CAST: variants seen among roughly 807,000 people sequenced by gnomAD.
CAST encodes the protein calpastatin.
A neutral mutation model predicts 119.6 loss-of-function variants in CAST; 76 were observed. The observed-to-expected ratio is 0.64, with a 90% confidence interval of 0.53 to 0.77. The LOEUF (loss-of-function observed/expected upper bound fraction) is 0.77, where lower values mean the gene tolerates loss of function less well. Ranked by LOEUF, CAST falls within the 30% of genes least tolerant of loss-of-function variation. The probability of loss-of-function intolerance (pLI) is 0.00; values close to 1 mark genes in which losing one functional copy is unlikely to be tolerated. For synonymous variants in CAST, 319 were observed against 331.6 expected (o/e 0.96, Z 0.41); for missense variants, 953 against 946.5 (o/e 1.01, Z -0.09).
At chr5:96,743,554 T>C in intron 16 of CAST, 1 of 1,563,608 alleles carries the variant, frequency 6.4e-7, no homozygotes, top group Middle Eastern at 2.1e-4. Flanking sequence ...CTTCCTGTTC[T>C]GAGTCATCAG....
At chr5:96,605,985 G>A (rs1414700585) in intron 1 of CAST, among the ~76,000 whole-genome samples, 1 of 152,134 alleles carries the variant, frequency 6.6e-6, no homozygotes, top group East Asian at 1.9e-4. Context: ...GCTACTGGCG[G>A]TAAGATTTAA....
intron 3 of CAST, among the ~76,000 whole-genome samples, chr5:96,705,095 G>A (rs1445519186): frequency 6.6e-6 from 1 of 152,098 alleles, no homozygotes; most frequent in Non-Finnish European, 1.5e-5. Flanking sequence ...CAAGGAGGGA[G>A]GATCGCTTGA....
the CAST span, chr5:95,961,491 C>A: frequency 1.5e-6 from 2 of 1,351,392 alleles, no homozygotes; most frequent in South Asian, 3.8e-5. Context: ...GCCACGGCTC[C>A]GCCGGCCCCG....
the CAST span, among the ~76,000 whole-genome samples, chr5:96,003,690 G>C: frequency 2.6e-5 from 4 of 152,112 alleles, no homozygotes; most frequent in African/African-American, 7.2e-5. Flanking sequence ...TAGATGTGTT[G>C]ATGGTGTTTG....
At chr5:96,148,806 G>A in the CAST span, among the ~76,000 whole-genome samples, 1 of 152,224 alleles carries the variant, frequency 6.6e-6, no homozygotes, top group Non-Finnish European at 1.5e-5. Context: ...ACGGAAGACT[G>A]TATAACAGTG....
At chr5:96,705,235 G>A (rs911471903) in intron 3 of CAST, among the ~76,000 whole-genome samples, 1 of 152,036 alleles carries the variant, frequency 6.6e-6, no homozygotes, top group African/African-American at 2.4e-5. Flanking sequence ...GGAAGGATCA[G>A]TTGAGCCTGG....
At chr5:96,560,401 C>T (rs1163124605) in intron 1 of CAST, among the ~76,000 whole-genome samples, 1 of 150,878 alleles carries the variant, frequency 6.6e-6, no homozygotes, top group Admixed American at 6.6e-5. Context: ...AAAGAAACTA[C>T]CATCAGAGTG....
the CAST span, among the ~76,000 whole-genome samples, chr5:96,310,560 G>A: frequency 9.1e-6 from 1 of 109,334 alleles, no homozygotes; most frequent in African/African-American, 2.8e-5. Flanking sequence ...TCAGGTCTTA[G>A]GCTTTTTTTT....
At chr5:96,012,317 G>GTT in the CAST span, among the ~76,000 whole-genome samples, 2 of 146,792 alleles carry the variant, frequency 1.4e-5, no homozygotes, top group African/African-American at 5.0e-5. Context: ...TACTTCTTAA[G>GTT]TTTTTTTTTT....
the CAST span, among the ~76,000 whole-genome samples, chr5:96,289,004 A>G: frequency 7.9e-5 from 12 of 151,752 alleles, 1 homozygote; most frequent in Admixed American, 3.9e-4. Context: ...GGATTGCAAA[A>G]CCCACTGTAT....
chr5:96,046,289 G>C, the CAST span, among the ~76,000 whole-genome samples: 356 of 152,208 alleles, frequency 2.3e-3, 2 homozygotes, highest in African/African-American at 8.2e-3. Context: ...AAGAATGGGT[G>C]ACAGGATCTT....
At chr5:96,423,813 T>G in the CAST span, among the ~76,000 whole-genome samples, 1 of 152,212 alleles carries the variant, frequency 6.6e-6, no homozygotes, top group African/African-American at 2.4e-5. Context: ...TAGTCGATGT[T>G]TTCATCTCCC....
the CAST span, among the ~76,000 whole-genome samples, chr5:96,115,699 G>A: frequency 1.3e-5 from 2 of 152,166 alleles, no homozygotes; most frequent in African/African-American, 4.8e-5. Flanking sequence ...GTGTTCTGAA[G>A]GTGACTAAGG....
chr5:96,592,170 G>C (rs1746973136), intron 1 of CAST, among the ~76,000 whole-genome samples: 1 of 152,176 alleles, frequency 6.6e-6, no homozygotes, highest in South Asian at 2.1e-4. Context: ...GCTGAGGCGG[G>C]CGGATCATTT....
the CAST span, among the ~76,000 whole-genome samples, chr5:96,338,289 T>C: frequency 6.6e-6 from 1 of 152,246 alleles, no homozygotes; most frequent in Non-Finnish European, 1.5e-5. Flanking sequence ...TCAAAAACTC[T>C]GCATCGTTTT....
chr5:96,605,974 T>C (rs1747244637), intron 1 of CAST, among the ~76,000 whole-genome samples: 1 of 152,202 alleles, frequency 6.6e-6, no homozygotes, highest in Non-Finnish European at 1.5e-5. Flanking sequence ...CAGACAAAGC[T>C]GCTACTGGCG....
intron 16 of CAST, among the ~76,000 whole-genome samples, chr5:96,743,344 A>G (rs1006297356): frequency 1.3e-5 from 2 of 152,218 alleles, no homozygotes; most frequent in African/African-American, 4.8e-5. Flanking sequence ...ATATTAAATT[A>G]TAATTTTTGT....
Position 96,697,484 on chromosome 5 carries a change from T to G in CAST, c.210+1577T>G, listed in dbSNP as rs566552679. Reference sequence around the variant, plus strand: ...AAATACCATGCCACTTTAAGACCCGTGCCTTTTAAAGACCTTTTCAAAGCT... The same window carrying G: ...AAATACCATGCCACTTTAAGACCCGGGCCTTTTAAAGACCTTTTCAAAGCT... On this transcript the variant is annotated intron_variant, in intron 3 of 31. Transcript: ENST00000675179. Among the ~76,000 whole-genome samples the G allele has an allele frequency of 2.6e-5, 4 of 152,322 alleles. No individual in the cohort carries two copies. In the South Asian group the frequency reaches 8.3e-4, roughly 32 times the overall value.
chr5:96,067,048 T>G, the CAST span, among the ~76,000 whole-genome samples: 3 of 152,178 alleles, frequency 2.0e-5, no homozygotes, highest in Non-Finnish European at 2.9e-5. Flanking sequence ...ATTTTCTATC[T>G]ACTTTAGGGG....
Sources: gnomAD v4.1 joint callset for allele counts (sites outside exome capture counted in the v4.1 genomes callset) on GRCh38, gnomAD v4.1.1 for gene constraint, MANE v1.5 for transcripts, NCBI Gene and HGNC (gene_info 2026-07-23, HGNC 2026-07-21) for gene names.